The following LMX1A variants were observed in gnomAD, a reference collection of about 807,000 sequenced individuals.
LMX1A encodes the protein LIM homeobox transcription factor 1-alpha.
In LMX1A, 15 loss-of-function variants were observed where a neutral mutation model predicts 49.1. The observed-to-expected ratio is 0.31, with a 90% CI of 0.20 to 0.47. The LOEUF (loss-of-function observed/expected upper bound fraction) is 0.47, where lower values mean the gene tolerates loss of function less well. Among genes scored for constraint, LMX1A ranks in the 20% least tolerant of loss-of-function variants. LMX1A has a pLI of 1.00. For synonymous variants in LMX1A, 167 were observed against 185.7 expected, an observed-to-expected ratio of 0.90 and a Z score of 0.82; for missense variants, 372 against 475.8, an observed-to-expected ratio of 0.78 and a Z score of 2.03.
At chr1:165,293,122 A>AC (rs1335991006) in intron 3 of LMX1A, among the ~76,000 whole-genome samples, 2 of 152,038 alleles carry the variant, frequency 1.3e-5, no homozygotes, top group East Asian at 1.9e-4. Flanking sequence ...TCTCAAAAAA[A>AC]AAAACAAAAC....
chr1:165,226,871 T>C (rs1480054786), intron 4 of LMX1A, among the ~76,000 whole-genome samples: 3 of 152,210 alleles, frequency 2.0e-5, no homozygotes, highest in East Asian at 1.9e-4. Context: ...TCCATCATCA[T>C]GTATTCATCT....
chr1:165,224,881 A>G (rs1002439998), intron 4 of LMX1A, among the ~76,000 whole-genome samples: 2 of 152,210 alleles, frequency 1.3e-5, no homozygotes, highest in African/African-American at 4.8e-5. Context: ...CTTGAACTAC[A>G]ATCTGAATCT....
chr1:165,342,627 C>T (rs554693380), intron 3 of LMX1A, among the ~76,000 whole-genome samples: 3 of 152,134 alleles, frequency 2.0e-5, no homozygotes, highest in East Asian at 3.9e-4. Context: ...CAAACAAGAG[C>T]AATGATTGTA....
chr1:165,273,986 A>G (rs550375707), intron 3 of LMX1A, among the ~76,000 whole-genome samples: 214 of 152,364 alleles, frequency 1.4e-3, no homozygotes, highest in African/African-American at 5.0e-3. Context: ...CTGCTAGACT[A>G]CATCATTCAT....
At chr1:165,349,088 G>A (rs549943592) in intron 3 of LMX1A, among the ~76,000 whole-genome samples, 1 of 152,296 alleles carries the variant, frequency 6.6e-6, no homozygotes, top group African/African-American at 2.4e-5. Context: ...AAGCGATCAT[G>A]ATAAACTTCA....
chr1:165,257,079 G>T (rs541386195), intron 3 of LMX1A, among the ~76,000 whole-genome samples: 48 of 152,258 alleles, frequency 3.2e-4, no homozygotes, highest in Non-Finnish European at 2.6e-4. Context: ...AGGAAAAAGA[G>T]AATTAATCTT....
At chr1:165,317,184 C>G (rs80170619) in intron 3 of LMX1A, among the ~76,000 whole-genome samples, 4,293 of 152,194 alleles carry the variant, frequency 0.028, 205 homozygotes, top group African/African-American at 0.1. Flanking sequence ...CCACTCAGAA[C>G]AAGGAGAGTA....
In LMX1A at chr1:165,355,605, G is replaced by A. The variant is rs1247564321; in HGVS notation, c.-22-24C>T. Reference sequence around the variant, plus strand: ...ACCTGTAGAGGAGAAGAAACGATGCGTCTGACGTCCGTGCCCGCTGGGACT... The same window carrying A: ...ACCTGTAGAGGAGAAGAAACGATGCATCTGACGTCCGTGCCCGCTGGGACT... On this transcript the variant is annotated intron_variant, in intron 1 of 8. Coordinates refer to ENST00000342310, the MANE Select transcript of LMX1A (RefSeq NM_177398.4). This position sits in a 1 kb window ranked among gnomAD's most constrained non-coding sequence, Gnocchi z 4.7. 1.0e-5 allele frequency: 16 copies of A among 1,576,754 alleles called. No homozygotes were observed. Among genetic ancestry groups the A allele is most frequent in the Non-Finnish European group, 1.4e-5 (16 of 1,151,064 alleles).
intron 3 of LMX1A, among the ~76,000 whole-genome samples, chr1:165,342,224 C>T (rs6659644): frequency 0.78 from 118,582 of 152,152 alleles, 46,826 homozygotes; most frequent in Middle Eastern, 0.91. Flanking sequence ...TCAGCCTCCA[C>T]TGGGGGCACA....
rs182575654 is a variant in LMX1A, at chr1:165,203,921, C to A, written c.1108G>T (p.Asp370Tyr). The change falls in exon 9 of 9, where the codon GAC becomes TAC. Residue 370 changes from aspartate to tyrosine, a missense_variant. By Grantham distance (160) the Asp-to-Tyr change is radical. Transcript: ENST00000342310. ...GAATTCTGCATGGAGTACAGATGGTCAATGGGGTTTCCCACTCTGGACTGC... is the reference window on the plus strand; with the variant it reads ...GAATTCTGCATGGAGTACAGATGGTAAATGGGGTTTCCCACTCTGGACTGC... ...PLQSRVGNPI[D>Y]HLYSMQNSYF... is the part of the protein sequence containing the mutation. 6.2e-7 allele frequency: 1 copy of A among 1,614,098 alleles called. No homozygotes were observed. The highest frequency in any genetic ancestry group is 1.3e-5 in the African/African-American group (1 of 75,006).
intron 3 of LMX1A, among the ~76,000 whole-genome samples, chr1:165,262,544 C>G (rs1222770968): frequency 6.6e-6 from 1 of 152,188 alleles, no homozygotes; most frequent in East Asian, 1.9e-4. Context: ...CAAATGCAAT[C>G]CTGCTCAAGT....
At chr1:165,330,501 T>C (rs1480715913) in intron 3 of LMX1A, among the ~76,000 whole-genome samples, 1 of 152,172 alleles carries the variant, frequency 6.6e-6, no homozygotes, top group Non-Finnish European at 1.5e-5. Context: ...CTGAAACAAG[T>C]TTCCTCTTCC....
rs180773167 is a variant in LMX1A at position 165,321,815 on chromosome 1, A to T, written c.263+31261T>A. On this transcript the variant is annotated intron_variant, in intron 3 of 8. Coordinates refer to ENST00000342310, the MANE Select transcript of LMX1A (RefSeq NM_177398.4). ...CGAAAGACACAATCAAGAAAATGAA[A>T]AGACAACCCACAGAATAGGAGAAAA... Among the ~76,000 whole-genome samples, 8 of 152,364 alleles carry T rather than the reference A, an allele frequency of 5.3e-5. No individual in the cohort carries two copies. The East Asian group carries it at 1.3e-3, about 26-fold the overall frequency.
chr1:165,307,099 C>A (rs1449544603), intron 3 of LMX1A, among the ~76,000 whole-genome samples: 1 of 152,230 alleles, frequency 6.6e-6, no homozygotes, highest in Non-Finnish European at 1.5e-5. Flanking sequence ...AACTTCCCTT[C>A]TTTTTCCAGA....
At chr1:165,209,032 A>AGT (rs1361686324) in intron 6 of LMX1A, among the ~76,000 whole-genome samples, 1 of 152,214 alleles carries the variant, frequency 6.6e-6, no homozygotes, top group South Asian at 2.1e-4. Context: ...ATATACTTTG[A>AGT]GTGTGTGTAT....
rs1373247532 is a variant in LMX1A at position 165,202,476 on chromosome 1, G to C, written c.*1404C>G. 3 of 152,126 alleles carry C rather than the reference G, an allele frequency of 2.0e-5. No homozygotes were observed. Among genetic ancestry groups the C allele is most frequent in the Admixed American group, 1.3e-4 (2 of 15,276 alleles). 9.4% of individuals were successfully genotyped at this position (152,126 alleles called of 1,614,324 possible). ...AGAAACAGACCCTCTAAAACAAGGG[G>C]CCCCAAACTTTTTCTGTAAGGGCCA... On this transcript the variant is annotated 3_prime_UTR_variant, in exon 9 of 9. Transcript: ENST00000342310.
Position 165,355,555 on chromosome 1 carries a change from A to C in LMX1A, c.5T>G (p.Leu2Arg), listed in dbSNP as rs746703235. Residue 2 changes from leucine to arginine, a missense_variant, in exon 2 of 9, where the codon CTG becomes CGG. Coordinates refer to ENST00000342310, the MANE Select transcript of LMX1A (RefSeq NM_177398.4). The surrounding 1 kb of genome is among the most constrained non-coding windows in gnomAD (Gnocchi z 4.7). ...GTTCTCCTCCATCTTTAGGCCGTCC[A>C]GCATGTTCGGGCCGGGCCGGGAGGA... Reference protein sequence around the residue: MLDGLKMEENFQ... With the variant: MRDGLKMEENFQ... 6.2e-7 allele frequency: 1 copy of C among 1,613,836 alleles called. No individual in the cohort carries two copies. Among genetic ancestry groups the C allele is most frequent in the Admixed American group, 1.7e-5 (1 of 59,998 alleles).
At chr1:165,223,563 G>A (rs1372547574) in intron 4 of LMX1A, among the ~76,000 whole-genome samples, 1 of 152,164 alleles carries the variant, frequency 6.6e-6, no homozygotes, top group Non-Finnish European at 1.5e-5. Flanking sequence ...GAGTGAGAAA[G>A]GCTTCTTAAA....
intron 3 of LMX1A, among the ~76,000 whole-genome samples, chr1:165,266,935 C>G (rs1653645064): frequency 6.6e-6 from 1 of 152,058 alleles, no homozygotes; most frequent in South Asian, 2.1e-4. Flanking sequence ...TTCTCTCTCT[C>G]TCTCTTTCTT....
Sources: gnomAD v4.1 joint callset for allele counts (sites outside exome capture counted in the v4.1 genomes callset) on GRCh38, gnomAD v4.1.1 for gene constraint, Gnocchi (gnomAD v3.1) non-coding constraint, MANE v1.5 for transcripts, NCBI Gene and HGNC (gene_info 2026-07-23, HGNC 2026-07-21) for gene names.